The following BRAF variants were observed in gnomAD, a reference collection of about 807,000 sequenced individuals.
BRAF encodes serine/threonine-protein kinase B-raf.
In BRAF, 16 loss-of-function variants were observed where a neutral mutation model predicts 104.6. That is an observed-to-expected ratio of 0.15 (90% CI 0.10 to 0.23). The LOEUF is 0.23. Among genes scored for constraint, BRAF ranks in the 10% least tolerant of loss-of-function variants. The probability of loss-of-function intolerance (pLI) is 1.00; values close to 1 mark genes in which losing one functional copy is unlikely to be tolerated. For missense variants in BRAF, 541 were observed against 937.3 expected, an observed-to-expected ratio of 0.58 and a Z score of 5.52; for synonymous variants, 310 against 341.6, an observed-to-expected ratio of 0.91 and a Z score of 1.02.
chr7:140,760,918 G>A (rs1213014554), intron 14 of BRAF, among the ~76,000 whole-genome samples: 8 of 152,290 alleles, frequency 5.3e-5, no homozygotes, highest in African/African-American at 1.9e-4. Flanking sequence ...TCTGATTAGT[G>A]TACCTGAAAG....
At chr7:140,734,807 G>GAAAAAAAAAAAAAAAA in intron 18 of BRAF, 37 bp from the exon 18 acceptor site, 1 of 870,216 alleles carries the variant, frequency 1.1e-6, no homozygotes, top group Non-Finnish European at 1.5e-6. Flanking sequence ...GAAAAAAAAA[G>GAAAAAAAAAAAAAAAA]AAAAAAGAAA....
In BRAF at chr7:140,720,237, T is replaced by C; in HGVS notation, c.*6257A>G. 3.8e-6 allele frequency: 4 copies of C among 1,062,816 alleles called. No homozygotes were observed. Among genetic ancestry groups the C allele is most frequent in the Non-Finnish European group, 3.4e-6 (3 of 877,808 alleles). The allele number at this position is 1,062,816 out of a possible 1,614,324, so 65.8% of individuals were successfully genotyped here. ...CAAATGAGATTACCACAAATACATA[T>C]CACTGTGATACAGTCCTCAAAAATC... On this transcript the variant is annotated 3_prime_UTR_variant, in exon 20 of 20. Coordinates refer to ENST00000644969, the MANE Select transcript of BRAF (RefSeq NM_001374258.1).
At chr7:140,734,024 A>C in intron 19 of BRAF, 1 of 1,038,082 alleles carries the variant, frequency 9.6e-7, no homozygotes, top group Non-Finnish European at 1.2e-6. Context: ...TATAAAAAGA[A>C]ACTTAGTTTA....
rs563069511 is a variant in BRAF, at chr7:140,866,975, T to A, written c.139-16763A>T. ...TCATTTGCTTTATGTGCTTTGTCCC[T>A]TTGAAAAAATAGTTTTCAAAGATTT... On this transcript the variant is annotated intron_variant, in intron 1 of 19. Transcript: ENST00000644969. Among the ~76,000 whole-genome samples the A allele has an allele frequency of 1.1e-4, 16 of 152,336 alleles. No homozygotes were observed. The South Asian group carries it at 1.5e-3, about 14-fold the overall frequency.
At chr7:140,886,433 C>A (rs1253270391) in intron 1 of BRAF, among the ~76,000 whole-genome samples, 1 of 152,194 alleles carries the variant, frequency 6.6e-6, no homozygotes, top group Non-Finnish European at 1.5e-5. Flanking sequence ...ACCTAAACTT[C>A]CTAGTACAGA....
At chr7:140,773,846 C>CAG (rs1800074254) in intron 14 of BRAF, among the ~76,000 whole-genome samples, 1 of 152,154 alleles carries the variant, frequency 6.6e-6, no homozygotes, top group Admixed American at 6.5e-5. Flanking sequence ...ATCACTTTTC[C>CAG]ACCTGCTCTC....
At chr7:140,760,884 C>T (rs1357558926) in intron 14 of BRAF, among the ~76,000 whole-genome samples, 1 of 152,024 alleles carries the variant, frequency 6.6e-6, no homozygotes, top group African/African-American at 2.4e-5. Context: ...AAATATGGGA[C>T]TATGTGAAAA....
At chr7:140,873,025 T>G (rs1004104065) in intron 1 of BRAF, among the ~76,000 whole-genome samples, 5 of 152,170 alleles carry the variant, frequency 3.3e-5, no homozygotes, top group Non-Finnish European at 4.4e-5. Context: ...CTACTACTTC[T>G]GGCATGATGA....
At chr7:140,909,533 T>C (rs1816733545) in intron 1 of BRAF, among the ~76,000 whole-genome samples, 1 of 152,170 alleles carries the variant, frequency 6.6e-6, no homozygotes, top group South Asian at 2.1e-4. Context: ...TGTACATATA[T>C]ACAACAAGCA....
chr7:140,720,798 T>C lies in BRAF; in HGVS notation c.*5696A>G. On this transcript the variant is annotated 3_prime_UTR_variant, in exon 20 of 20. Coordinates refer to ENST00000644969, the MANE Select transcript of BRAF (RefSeq NM_001374258.1). Reference sequence around the variant, plus strand: ...TGGGTTCAAAAACTTAACACAAAAATGCAACGCAGTAATTTTCAAAACAAA... The same window carrying C: ...TGGGTTCAAAAACTTAACACAAAAACGCAACGCAGTAATTTTCAAAACAAA... 1.9e-6 allele frequency: 2 copies of C among 1,066,094 alleles called. No individual in the cohort carries two copies. Among genetic ancestry groups the C allele is most frequent in the Non-Finnish European group, 2.3e-6 (2 of 879,808 alleles). The allele number at this position is 1,066,094 out of a possible 1,614,324, so 66.0% of individuals were successfully genotyped here.
intron 10 of BRAF, 86 bp from the exon 10 acceptor site, chr7:140,783,243 A>C: frequency 6.6e-7 from 1 of 1,514,898 alleles, no homozygotes; most frequent in South Asian, 1.2e-5. Context: ...GGATATTTAG[A>C]CTTAATTTTA....
At chr7:140,885,842 A>G (rs1485369748) in intron 1 of BRAF, among the ~76,000 whole-genome samples, 1 of 152,208 alleles carries the variant, frequency 6.6e-6, no homozygotes, top group Non-Finnish European at 1.5e-5. Context: ...AACAATGAGT[A>G]GGGTTTTGTT....
chr7:140,803,086 C>T (rs1000560944), intron 5 of BRAF, among the ~76,000 whole-genome samples: 2 of 152,140 alleles, frequency 1.3e-5, no homozygotes, highest in Middle Eastern at 3.2e-3. Flanking sequence ...AGTAACATTC[C>T]GTGCAGGTTA....
Position 140,769,368 on chromosome 7 carries a change from G to A in BRAF, c.1814+7544C>T, listed in dbSNP as rs116882024. Among the ~76,000 whole-genome samples, 20 of 152,290 alleles carry A rather than the reference G, an allele frequency of 1.3e-4. No homozygotes were observed. In the South Asian group the frequency reaches 1.4e-3, roughly 11 times the overall value. The stretch of plus-strand genomic sequence containing the variant: ...GCTGGAATTACAGGCATGAGCCACC[G>A]TGCTTGGCCACCTCCAGTCTTTTTT... On this transcript the variant is annotated intron_variant, in intron 14 of 19. Coordinates refer to ENST00000644969, the MANE Select transcript of BRAF (RefSeq NM_001374258.1).
chr7:140,887,671 A>G (rs1317935958), intron 1 of BRAF, among the ~76,000 whole-genome samples: 1 of 152,166 alleles, frequency 6.6e-6, no homozygotes, highest in Non-Finnish European at 1.5e-5. Flanking sequence ...AGGCTACATT[A>G]TTTAGTTAAT....
chr7:140,729,355 T>C (rs778185254), intron 19 of BRAF, among the ~76,000 whole-genome samples: 10 of 152,086 alleles, frequency 6.6e-5, no homozygotes, highest in Non-Finnish European at 8.8e-5. Flanking sequence ...GTCTTAAAAA[T>C]AAAAACCAGG....
intron 19 of BRAF, chr7:140,732,246 G>C (rs1436095356): frequency 7.4e-6 from 1 of 135,126 alleles, no homozygotes; most frequent in African/African-American, 2.6e-5. Flanking sequence ...AAAAAAAGAG[G>C]GCTCAGGTTT....
chr7:140,764,755 C>T (rs1293817629), intron 14 of BRAF, among the ~76,000 whole-genome samples: 2 of 152,092 alleles, frequency 1.3e-5, no homozygotes, highest in African/African-American at 4.8e-5. Context: ...TGTGAAGGAC[C>T]TCTTCAAGGA....
chr7:140,910,971 C>T (rs1816904093), intron 1 of BRAF, among the ~76,000 whole-genome samples: 1 of 152,184 alleles, frequency 6.6e-6, no homozygotes, highest in Non-Finnish European at 1.5e-5. Context: ...AACCAAAACG[C>T]TAACTTCGCA....
Sources: gnomAD v4.1 joint callset for allele counts (sites outside exome capture counted in the v4.1 genomes callset) on GRCh38, gnomAD v4.1.1 for gene constraint, MANE v1.5 for transcripts, NCBI Gene and HGNC (gene_info 2026-07-23, HGNC 2026-07-21) for gene names.